The following CDH13 variants were observed in gnomAD, a reference collection of about 807,000 sequenced individuals.
CDH13 encodes the protein cadherin-13.
A neutral mutation model predicts 63.8 loss-of-function variants in CDH13; 24 were observed. That is an observed-to-expected ratio of 0.38 (90% CI 0.27 to 0.53). CDH13 has a LOEUF of 0.53. Among genes scored for constraint, CDH13 ranks in the 20% least tolerant of loss-of-function variants. CDH13 has a pLI of 0.85. For missense variants in CDH13, 1,049 were observed against 903.1 expected, an observed-to-expected ratio of 1.16 and a Z score of -2.07; for synonymous variants, 503 against 355.3, an observed-to-expected ratio of 1.42 and a Z score of -4.67.
At chr16:83,019,172 A>T (rs1915101281) in intron 2 of CDH13, among the ~76,000 whole-genome samples, 1 of 152,256 alleles carries the variant, frequency 6.6e-6, no homozygotes, top group African/African-American at 2.4e-5. Flanking sequence ...CACTTAGCTT[A>T]CAACACAAAC....
chr16:83,033,462 T>C (rs1189970884), intron 3 of CDH13, among the ~76,000 whole-genome samples: 2 of 152,220 alleles, frequency 1.3e-5, no homozygotes, highest in African/African-American at 4.8e-5. Context: ...TATATGTGTG[T>C]ATATGTGTAT....
At chr16:83,635,947 C>G (rs1035935940) in intron 8 of CDH13, among the ~76,000 whole-genome samples, 5 of 152,264 alleles carry the variant, frequency 3.3e-5, no homozygotes, top group South Asian at 2.1e-4. Context: ...ATTTTTACAT[C>G]TAAGTCCATG....
intron 5 of CDH13, among the ~76,000 whole-genome samples, chr16:83,299,291 T>C (rs917154462): frequency 4.3e-4 from 3 of 7,048 alleles, no homozygotes; most frequent in South Asian, 0.01. Flanking sequence ...TATCAGGCCA[T>C]GAAAAAAAAA....
chr16:83,200,724 G>T (rs1054160730), intron 4 of CDH13, among the ~76,000 whole-genome samples: 2 of 152,220 alleles, frequency 1.3e-5, no homozygotes, highest in South Asian at 4.1e-4. Flanking sequence ...TGCAGTTTCC[G>T]AAAAACTTTG....
At chr16:83,312,874 A>T (rs565581654) in intron 5 of CDH13, among the ~76,000 whole-genome samples, 2 of 151,980 alleles carry the variant, frequency 1.3e-5, no homozygotes, top group Non-Finnish European at 2.9e-5. Context: ...GACCTCAGAA[A>T]ATCTGCACTT....
intron 10 of CDH13, chr16:83,735,554 C>G (rs1911465328): frequency 6.6e-6 from 1 of 152,210 alleles, no homozygotes; most frequent in Non-Finnish European, 1.5e-5. Context: ...CCTCTCCCTG[C>G]TGCCATGAAT....
At chr16:83,036,005 G>T (rs1372533008) in intron 3 of CDH13, among the ~76,000 whole-genome samples, 1 of 152,116 alleles carries the variant, frequency 6.6e-6, no homozygotes, top group Non-Finnish European at 1.5e-5. Context: ...ACTGTTACTG[G>T]TGCTGTTATC....
chr16:83,794,659 T>C (rs1916488321), intron 13 of CDH13, among the ~76,000 whole-genome samples: 1 of 150,916 alleles, frequency 6.6e-6, no homozygotes, highest in African/African-American at 2.5e-5. Context: ...AGGAAGTCGA[T>C]ACATATATGG....
rs1268502289 is a variant in CDH13 at position 83,514,573 on chromosome 16, AGGTGG to A, written c.960+27919_960+27923del. Among the ~76,000 whole-genome samples the A allele has an allele frequency of 3.9e-5, 6 of 152,144 alleles. No homozygotes were observed. In the East Asian group the frequency reaches 1.2e-3, roughly 29 times the overall value. ...GGCATGGGAATTGCTTGAACCTGGGAGGTGGAGGTTGCAGTAAGCCAAGATCATAC... is the reference window on the plus strand; with the variant it reads ...GGCATGGGAATTGCTTGAACCTGGGAAGGTTGCAGTAAGCCAAGATCATAC... On this transcript the variant is annotated intron_variant, in intron 7 of 13. Transcript: ENST00000567109.
intron 7 of CDH13, among the ~76,000 whole-genome samples, chr16:83,540,131 C>G (rs1179475256): frequency 6.8e-6 from 1 of 147,570 alleles, no homozygotes; most frequent in Non-Finnish European, 1.5e-5. Flanking sequence ...GTGGATCCAT[C>G]TAGGCTAACT....
intron 5 of CDH13, among the ~76,000 whole-genome samples, chr16:83,341,315 C>T (rs543295977): frequency 1.7e-4 from 26 of 152,288 alleles, no homozygotes; most frequent in African/African-American, 4.6e-4. Flanking sequence ...CTGGAGGATG[C>T]GCTGGAATTC....
At chr16:83,616,694 G>A (rs1598374653) in intron 8 of CDH13, among the ~76,000 whole-genome samples, 1 of 152,286 alleles carries the variant, frequency 6.6e-6, no homozygotes, top group East Asian at 1.9e-4. Context: ...TTCAGAAATA[G>A]AAAGCCAAGA....
intron 10 of CDH13, among the ~76,000 whole-genome samples, chr16:83,735,005 A>AAC (rs1911403815): frequency 6.6e-6 from 1 of 151,672 alleles, no homozygotes; most frequent in Non-Finnish European, 1.5e-5. Context: ...TTATTCAAAA[A>AAC]AAAAAAAACA....
At chr16:83,748,746 G>C (rs1912820588) in intron 11 of CDH13, among the ~76,000 whole-genome samples, 1 of 152,228 alleles carries the variant, frequency 6.6e-6, no homozygotes, top group Admixed American at 6.5e-5. Flanking sequence ...TCGTTCAAAA[G>C]ATGGTAATGC....
chr16:82,950,246 T>C (rs1905154212), intron 2 of CDH13, among the ~76,000 whole-genome samples: 2 of 152,148 alleles, frequency 1.3e-5, no homozygotes, highest in Non-Finnish European at 2.9e-5. Context: ...CCTTAGCTTA[T>C]AGCCGCATCA....
intron 7 of CDH13, among the ~76,000 whole-genome samples, chr16:83,588,886 G>A (rs937981136): frequency 2.6e-5 from 4 of 152,240 alleles, no homozygotes; most frequent in African/African-American, 9.6e-5. Context: ...ACCACGTGGA[G>A]CCAGGAGGCT....
intron 8 of CDH13, among the ~76,000 whole-genome samples, chr16:83,622,664 T>C (rs755256868): frequency 3.9e-5 from 6 of 152,204 alleles, no homozygotes; most frequent in Non-Finnish European, 1.5e-5. Context: ...TGAGGCTCAT[T>C]TTTACATTAG....
At chr16:83,014,854 T>TTTG (rs1914595483) in intron 2 of CDH13, among the ~76,000 whole-genome samples, 7 of 118,092 alleles carry the variant, frequency 5.9e-5, no homozygotes, top group South Asian at 2.7e-4. Flanking sequence ...ATATATATAT[T>TTTG]TGTATATATA....
intron 1 of CDH13, among the ~76,000 whole-genome samples, chr16:82,848,856 G>C (rs1199409955): frequency 9.9e-5 from 15 of 152,178 alleles, no homozygotes; most frequent in Admixed American, 9.8e-4. Flanking sequence ...AAGTGAGGAA[G>C]GCATGTCAAA....
Sources: allele counts gnomAD v4.1 joint callset (sites outside exome capture counted in the v4.1 genomes callset), GRCh38; gene constraint gnomAD v4.1.1; transcripts MANE v1.5; gene names NCBI Gene and HGNC (gene_info 2026-07-23, HGNC 2026-07-21).